RABGAP1L: variants seen among roughly 807,000 people sequenced by gnomAD.
RABGAP1L encodes the protein rab GTPase-activating protein 1-like.
RABGAP1L carries 63 observed loss-of-function variants against 137.7 expected under a neutral mutation model. The ratio of observed to expected loss-of-function variants is 0.46; its 90% CI spans 0.37 to 0.56. The LOEUF is 0.56. RABGAP1L is among the 20% of genes least tolerant of loss of function. RABGAP1L has a pLI of 0.00. For missense variants in RABGAP1L, 1,095 were observed against 1,244.0 expected, an observed-to-expected ratio of 0.88 and a Z score of 1.80; for synonymous variants, 431 against 433.7, an observed-to-expected ratio of 0.99 and a Z score of 0.08.
At chr1:174,354,248 T>A (rs538058870) in intron 11 of RABGAP1L, among the ~76,000 whole-genome samples, 248 of 151,724 alleles carry the variant, frequency 1.6e-3, no homozygotes, top group Middle Eastern at 3.4e-3. Flanking sequence ...CTTTTTTTTT[T>A]AAATTCAATT....
At chr1:174,179,953 GAA>G (rs747068445) in intron 1 of RABGAP1L, among the ~76,000 whole-genome samples, 8 of 76,532 alleles carry the variant, frequency 1.0e-4, no homozygotes, top group Admixed American at 2.6e-4. Context: ...TAAAGTCTCA[GAA>G]TATATTCCTT....
chr1:174,513,168 C>T lies in RABGAP1L; in HGVS notation c.1710+119023C>T, dbSNP rs573486555. Among the ~76,000 whole-genome samples the T allele has an allele frequency of 7.2e-5, 11 of 152,198 alleles. No individual in the cohort carries two copies. The East Asian group carries it at 1.5e-3, about 21-fold the overall frequency. ...ACAAATAGCACCTAGTAAGTACTTT[C>T]GTTTATATTTTCCCGTGCTTTTAAA... On this transcript the variant is annotated intron_variant, in intron 13 of 25. Transcript: ENST00000681986.
intron 19 of RABGAP1L, among the ~76,000 whole-genome samples, chr1:174,888,041 GA>G (rs151334348): frequency 9.5e-4 from 136 of 143,566 alleles, no homozygotes; most frequent in Middle Eastern, 3.4e-3. Context: ...CATATCAAAA[GA>G]AAAAAAAAAT....
chr1:174,233,035 T>G (rs1670818245), intron 4 of RABGAP1L, among the ~76,000 whole-genome samples: 1 of 152,134 alleles, frequency 6.6e-6, no homozygotes, highest in Admixed American at 6.6e-5. Flanking sequence ...CTCCAGCATA[T>G]TTGGTGTCTG....
intron 11 of RABGAP1L, among the ~76,000 whole-genome samples, chr1:174,366,615 TA>T (rs200810179): frequency 6.1e-5 from 9 of 147,172 alleles, no homozygotes; most frequent in African/African-American, 7.4e-5. Flanking sequence ...ACTAAAAATA[TA>T]AAAAAAAAAT....
chr1:174,175,492 C>CT (rs771691150), intron 1 of RABGAP1L, among the ~76,000 whole-genome samples: 3,373 of 137,138 alleles, frequency 0.025, 112 homozygotes, highest in African/African-American at 0.077. Context: ...TTTCTTTTTT[C>CT]TTTTTTTTTT....
At chr1:174,305,204 T>C (rs1678091325) in intron 11 of RABGAP1L, 77 bp downstream of exon 11, 1 of 1,385,536 alleles carries the variant, frequency 7.2e-7, no homozygotes, top group Middle Eastern at 2.1e-4. Context: ...GGTGTGTGTG[T>C]TGTGGGTAGA....
chr1:174,486,228 T>C (rs1209750305), intron 13 of RABGAP1L, among the ~76,000 whole-genome samples: 2,468 of 149,342 alleles, frequency 0.017, 69 homozygotes, highest in African/African-American at 0.057. Context: ...TTTTTCTTTT[T>C]TTTTTTTTTT....
intron 14 of RABGAP1L, among the ~76,000 whole-genome samples, chr1:174,651,979 G>A (rs940338071): frequency 1.3e-5 from 2 of 152,160 alleles, no homozygotes; most frequent in Non-Finnish European, 2.9e-5. Flanking sequence ...GGTACCGGTT[G>A]TTCCTTTCCA....
chr1:174,529,342 AC>A (rs1218602617), intron 13 of RABGAP1L, among the ~76,000 whole-genome samples: 8 of 151,976 alleles, frequency 5.3e-5, no homozygotes, highest in African/African-American at 1.9e-4. Context: ...GTTTTTTAGG[AC>A]ACTTTGGCTT....
At chr1:174,272,883 T>A (rs1390858992) in intron 8 of RABGAP1L, among the ~76,000 whole-genome samples, 1 of 151,986 alleles carries the variant, frequency 6.6e-6, no homozygotes, top group African/African-American at 2.4e-5. Context: ...CTTTAAAGCG[T>A]TTCCCTTTCT....
In RABGAP1L at chr1:174,176,741, A is replaced by AAAAAAAAAAATAAAATAAAAT. The variant is rs755688394; in HGVS notation, c.-34+17089_-34+17090insAAAAATAAAATAAAATAAAAA. Reference sequence around the variant, plus strand: ...AAAAAAAAAAAAAAAAAAAAAAAAAAAAAAAGGTCAACATTTGTTAATACT... The same window carrying AAAAAAAAAAATAAAATAAAAT: ...AAAAAAAAAAAAAAAAAAAAAAAAAAAAAAAAAAAATAAAATAAAATAAAAAGGTCAACATTTGTTAATACT... On this transcript the variant is annotated intron_variant, in intron 1 of 25. Coordinates refer to ENST00000681986, the MANE Select transcript of RABGAP1L (RefSeq NM_001366446.1). Among the ~76,000 whole-genome samples the AAAAAAAAAAATAAAATAAAAT allele has an allele frequency of 6.0e-4, 67 of 111,802 alleles. 4 individuals carry two copies. The highest frequency in any genetic ancestry group is 7.3e-4 in the Non-Finnish European group (40 of 54,878). The allele number at this position is 111,802 out of a possible 152,430, so 73.3% of individuals were successfully genotyped here.
chr1:174,442,868 C>CT (rs1327839696), intron 13 of RABGAP1L, among the ~76,000 whole-genome samples: 2 of 151,980 alleles, frequency 1.3e-5, no homozygotes, highest in Non-Finnish European at 2.9e-5. Flanking sequence ...CTTTTCATTC[C>CT]TTTTTCCCTA....
chr1:174,220,926 A>C, intron 2 of RABGAP1L, 46 bp from the exon 3 acceptor site: 6 of 1,432,090 alleles, frequency 4.2e-6, no homozygotes, highest in Non-Finnish European at 5.6e-6. Context: ...ATTTAGCTTC[A>C]GAACTATGGT....
At chr1:174,487,824 C>A (rs1017034077) in intron 13 of RABGAP1L, among the ~76,000 whole-genome samples, 2 of 152,184 alleles carry the variant, frequency 1.3e-5, no homozygotes, top group African/African-American at 2.4e-5. Context: ...GTGAGACTTG[C>A]AAGTAATATC....
chr1:174,736,351 T>C (rs461910), intron 17 of RABGAP1L, among the ~76,000 whole-genome samples: 90,664 of 152,218 alleles, frequency 0.6, 29,903 homozygotes, highest in African/African-American at 0.9. Flanking sequence ...TAATCCTTGT[T>C]TCCATGTCCC....
intron 19 of RABGAP1L, among the ~76,000 whole-genome samples, chr1:174,848,388 A>T (rs2148972943): frequency 7.7e-6 from 1 of 130,400 alleles, no homozygotes; most frequent in East Asian, 2.3e-4. Flanking sequence ...GATGATGGTG[A>T]TGTACAGATG....
At chr1:174,263,244 C>T (rs904776628) in intron 7 of RABGAP1L, among the ~76,000 whole-genome samples, 3 of 152,220 alleles carry the variant, frequency 2.0e-5, no homozygotes, top group Admixed American at 6.5e-5. Flanking sequence ...CTGGGCAGTC[C>T]AACAAACTTC....
At chr1:174,195,689 CTTCT>C (rs1381449210) in intron 1 of RABGAP1L, among the ~76,000 whole-genome samples, 6 of 105,956 alleles carry the variant, frequency 5.7e-5, no homozygotes, top group Non-Finnish European at 1.9e-5. Context: ...TCCTTCTTTC[CTTCT>C]TTCCTTCTTT....
Sources: allele counts gnomAD v4.1 joint callset (sites outside exome capture counted in the v4.1 genomes callset), GRCh38; gene constraint gnomAD v4.1.1; transcripts MANE v1.5; gene names NCBI Gene and HGNC (gene_info 2026-07-23, HGNC 2026-07-21).